POU6F2: variants seen among roughly 807,000 people sequenced by gnomAD.
POU6F2 encodes POU class 6 homeobox 2.
In POU6F2, 31 loss-of-function variants were observed where a neutral mutation model predicts 71.3. The observed-to-expected ratio is 0.43, with a 90% CI of 0.33 to 0.59. The LOEUF (loss-of-function observed/expected upper bound fraction) is 0.59. Ranked by LOEUF, POU6F2 falls within the 20% of genes least tolerant of loss-of-function variation. POU6F2 has a pLI of 0.04. For missense variants in POU6F2, 783 were observed against 856.8 expected (o/e 0.91, Z 1.07); for synonymous variants, 347 against 355.7 (o/e 0.98, Z 0.27).
At chr7:39,419,470 C>A (rs1026131295) in intron 6 of POU6F2, among the ~76,000 whole-genome samples, 7 of 151,984 alleles carry the variant, frequency 4.6e-5, no homozygotes, top group African/African-American at 1.7e-4. Context: ...AAACTCCTGA[C>A]CTCAAGTGAT....
At chr7:39,350,188 T>A (rs1354381682) in intron 5 of POU6F2, among the ~76,000 whole-genome samples, 1 of 152,138 alleles carries the variant, frequency 6.6e-6, no homozygotes, top group Non-Finnish European at 1.5e-5. Context: ...AAAAAAGAAG[T>A]AAAGTTAGAG....
intron 7 of POU6F2, among the ~76,000 whole-genome samples, chr7:39,440,318 C>A (rs1788368774): frequency 6.6e-6 from 1 of 152,156 alleles, no homozygotes; most frequent in Non-Finnish European, 1.5e-5. Flanking sequence ...TTCTGGTACT[C>A]CAGTCAATCA....
chr7:39,293,293 G>A (rs1057108568), intron 4 of POU6F2, among the ~76,000 whole-genome samples: 1 of 152,144 alleles, frequency 6.6e-6, no homozygotes, highest in African/African-American at 2.4e-5. Flanking sequence ...TCCGGGCTGT[G>A]TGTTCATAAA....
At chr7:38,998,665 T>C (rs1249023338) in intron 1 of POU6F2, among the ~76,000 whole-genome samples, 1 of 151,716 alleles carries the variant, frequency 6.6e-6, no homozygotes, top group African/African-American at 2.4e-5. Context: ...TTTTTTTTTT[T>C]TTTGAGACAG....
At chr7:39,287,878 A>G (rs1392956445) in intron 4 of POU6F2, among the ~76,000 whole-genome samples, 1 of 115,962 alleles carries the variant, frequency 8.6e-6, no homozygotes, top group East Asian at 2.9e-4. Context: ...CGGTATACGC[A>G]GCACCCAGCC....
chr7:39,402,486 T>C (rs1787327731), intron 5 of POU6F2, among the ~76,000 whole-genome samples: 1 of 152,166 alleles, frequency 6.6e-6, no homozygotes, highest in African/African-American at 2.4e-5. Flanking sequence ...TCACAATATT[T>C]TGACATGAGG....
chr7:39,094,495 G>A lies in POU6F2; in HGVS notation c.277+8464G>A, dbSNP rs547150813. ...ACACATTCCTGTAAGGATTATATGC[G>A]CCTATATATCAAGGTAGAGTGAGTG... On this transcript the variant is annotated intron_variant, in intron 2 of 9. Coordinates refer to ENST00000518318, the MANE Select transcript of POU6F2 (RefSeq NM_001370959.1). Among the ~76,000 whole-genome samples the A allele has an allele frequency of 8.6e-5, 13 of 151,824 alleles. No individual in the cohort carries two copies. In the South Asian group the frequency reaches 1.5e-3, roughly 17 times the overall value.
chr7:39,243,795 C>T (rs1270939670), intron 4 of POU6F2, among the ~76,000 whole-genome samples: 1 of 152,030 alleles, frequency 6.6e-6, no homozygotes, highest in Non-Finnish European at 1.5e-5. Context: ...TCCCCAGAAT[C>T]CATCTGATTT....
intron 5 of POU6F2, among the ~76,000 whole-genome samples, chr7:39,378,501 G>T (rs1206197302): frequency 6.6e-6 from 1 of 152,186 alleles, no homozygotes; most frequent in Non-Finnish European, 1.5e-5. Context: ...GCATAGTGTG[G>T]AATGGAAGAG....
chr7:39,230,747 G>A lies in POU6F2; in HGVS notation c.598+23127G>A, dbSNP rs540258455. On this transcript the variant is annotated intron_variant, in intron 4 of 9. Coordinates refer to ENST00000518318, the MANE Select transcript of POU6F2 (RefSeq NM_001370959.1). ...TTCTTAAAATGAATAAGTGAAGGGAGAATGCCAGTTAGTACTGGTCAATAT... is the reference window on the plus strand; with the variant it reads ...TTCTTAAAATGAATAAGTGAAGGGAAAATGCCAGTTAGTACTGGTCAATAT... Among the ~76,000 whole-genome samples, 3 of 152,300 alleles carry A rather than the reference G, an allele frequency of 2.0e-5. No individual in the cohort carries two copies. In the East Asian group the frequency reaches 5.8e-4, roughly 29 times the overall value.
chr7:39,375,247 C>T (rs781482171), intron 5 of POU6F2, among the ~76,000 whole-genome samples: 1 of 152,228 alleles, frequency 6.6e-6, no homozygotes, highest in South Asian at 2.1e-4. Flanking sequence ...GACCCGGGAG[C>T]GAGACCACAA....
chr7:39,454,711 T>G (rs868398682), intron 8 of POU6F2, among the ~76,000 whole-genome samples: 2,528 of 76,498 alleles, frequency 0.033, 431 homozygotes, highest in African/African-American at 0.1. Flanking sequence ...TATATATATA[T>G]ATATATATAT....
intron 5 of POU6F2, among the ~76,000 whole-genome samples, chr7:39,383,269 C>T (rs1362301019): frequency 6.6e-6 from 1 of 152,088 alleles, no homozygotes; most frequent in East Asian, 1.9e-4. Flanking sequence ...TTTCCATGCA[C>T]AAGATTAAAA....
chr7:39,307,965 A>G (rs1202550516), intron 4 of POU6F2, among the ~76,000 whole-genome samples: 5 of 152,152 alleles, frequency 3.3e-5, no homozygotes. Context: ...AAAAAAAAAA[A>G]AAAGAGTTGT....
chr7:39,299,464 G>A (rs957626465), intron 4 of POU6F2, among the ~76,000 whole-genome samples: 9 of 152,038 alleles, frequency 5.9e-5, no homozygotes, highest in African/African-American at 1.2e-4. Flanking sequence ...TGATACTTCC[G>A]AAAGACACTG....
rs1789033229 is a variant in POU6F2, at chr7:39,464,878, A to T, written c.*192A>T. On this transcript the variant is annotated 3_prime_UTR_variant, in exon 10 of 10. Transcript: ENST00000518318. The surrounding 1 kb of genome is among the most constrained non-coding windows in gnomAD (Gnocchi z 4.1). ...TTTCTACATGTCCGTTGGTTTTCCAAAAAGGAAAGAAGAAAATTTTTAGAA... is the reference window on the plus strand; with the variant it reads ...TTTCTACATGTCCGTTGGTTTTCCATAAAGGAAAGAAGAAAATTTTTAGAA... 2.6e-6 allele frequency: 2 copies of T among 775,972 alleles called. No individual in the cohort carries two copies. Among genetic ancestry groups the T allele is most frequent in the Non-Finnish European group, 3.9e-6 (2 of 511,376 alleles). The allele number at this position is 775,972 out of a possible 1,614,324, so 48.1% of individuals were successfully genotyped here. A position where few individuals can be genotyped will look rare whatever the true frequency, so the allele number is the denominator to read the frequency against.
At chr7:39,129,539 A>G (rs184847948) in intron 2 of POU6F2, among the ~76,000 whole-genome samples, 2 of 152,150 alleles carry the variant, frequency 1.3e-5, no homozygotes, top group East Asian at 1.9e-4. Context: ...ATTTAACCCC[A>G]ATGCCTGTTT....
Position 39,295,716 on chromosome 7 carries a change from A to G in POU6F2, c.599-43926A>G, listed in dbSNP as rs950747293. On this transcript the variant is annotated intron_variant, in intron 4 of 9. Transcript: ENST00000518318. ...GTTATATCTTGATATCAAGAAGGCA[A>G]TGCTACTTAAAATGATTTCTACAAA... Among the ~76,000 whole-genome samples the G allele has an allele frequency of 3.3e-5, 5 of 152,360 alleles. No homozygotes were observed. The East Asian group carries it at 7.7e-4, about 23-fold the overall frequency.
chr7:39,397,814 G>GTATATATATATATCTATATATA (rs1554349982), intron 5 of POU6F2, among the ~76,000 whole-genome samples: 1 of 128,448 alleles, frequency 7.8e-6, no homozygotes, highest in Non-Finnish European at 1.6e-5. Flanking sequence ...TATATTTTGT[G>GTATATATATATATCTATATATA]TATATATATA....
Sources: gnomAD v4.1 joint callset for allele counts (sites outside exome capture counted in the v4.1 genomes callset) on GRCh38, gnomAD v4.1.1 for gene constraint, Gnocchi (gnomAD v3.1) non-coding constraint, MANE v1.5 for transcripts, NCBI Gene and HGNC (gene_info 2026-07-23, HGNC 2026-07-21) for gene names.